Variants in GIMAP8 observed in about 807,000 individuals in gnomAD.
GIMAP8 encodes the protein GTPase, IMAP family member 8, also known as GTPase IMAP family member 8.
Under a neutral mutation model 35.6 loss-of-function variants are expected in GIMAP8, and 29 were observed. The ratio of observed to expected loss-of-function variants is 0.81; its 90% CI spans 0.61 to 1.11. The LOEUF is 1.11. Ranked by LOEUF, GIMAP8 falls within the 50% of genes most tolerant of loss-of-function variation. GIMAP8 has a pLI of 0.00. For synonymous variants in GIMAP8, 335 were observed against 308.7 expected, an observed-to-expected ratio of 1.09 and a Z score of -0.89; for missense variants, 811 against 805.0, an observed-to-expected ratio of 1.01 and a Z score of -0.09.
intron 1 of GIMAP8, among the ~76,000 whole-genome samples, chr7:150,455,749 A>G (rs974742989): frequency 1.1e-4 from 17 of 152,246 alleles, no homozygotes; most frequent in Admixed American, 4.6e-4. Context: ...CTGATTCTGC[A>G]GTTCTAATGA....
In GIMAP8 at chr7:150,470,869, C is replaced by T. The variant is rs781332128; in HGVS notation, c.677C>T (p.Pro226Leu). The T allele has an allele frequency of 2.5e-6, 4 of 1,603,022 alleles. No homozygotes were observed. The highest frequency in any genetic ancestry group is 1.7e-6 in the Non-Finnish European group (2 of 1,171,172). Residue 226 changes from proline (P) to leucine (L), a missense_variant, in exon 3 of 5, where the codon CCA becomes CTA. Physicochemically the swap from Pro to Leu is moderately conservative, Grantham distance 98 (BLOSUM62 -3). Transcript: ENST00000307271. ...NEAASQEGDKPQGPRERQLQS... is the reference protein window; with the variant it reads ...NEAASQEGDKLQGPRERQLQS... ...GCTGCATCTCAAGAGGGAGACAAGC[C>T]ACAGGGTAAGTTGATCTTTAAGAAA...
chr7:150,476,971 T>G, intron 4 of GIMAP8, 121 bp from the exon 5 acceptor site: 1 of 729,136 alleles, frequency 1.4e-6, no homozygotes, highest in Non-Finnish European at 2.3e-6. Flanking sequence ...GAGAAGGAGG[T>G]CTTGATGCTG....
chr7:150,472,022 G>GA lies in GIMAP8; in HGVS notation c.682+1151dup, dbSNP rs1461105706. The stretch of plus-strand genomic sequence containing the variant: ...TTTCACAGCTGAGTGCACTCAGCCA[G>GA]AAATACGTGTACTCAGGCAGAAGGG... On this transcript the variant is annotated intron_variant, in intron 3 of 4. Transcript: ENST00000307271. The surrounding 1 kb of genome is among the most constrained non-coding windows in gnomAD (Gnocchi z 4.1). Among the ~76,000 whole-genome samples, 1 of 152,172 alleles carries GA rather than the reference G, an allele frequency of 6.6e-6. No individual in the cohort carries two copies. Among genetic ancestry groups the GA allele is most frequent in the Non-Finnish European group, 1.5e-5 (1 of 68,032 alleles).
At chr7:150,467,403 A>G in intron 2 of GIMAP8, 69 bp downstream of exon 2, 12 of 1,185,502 alleles carry the variant, frequency 1.0e-5, no homozygotes, top group Non-Finnish European at 1.5e-5. Context: ...GTGGGTATAA[A>G]TAAATGAAAT....
At chr7:150,473,402 T>C (rs1802138682) in intron 3 of GIMAP8, among the ~76,000 whole-genome samples, 2 of 151,502 alleles carry the variant, frequency 1.3e-5, no homozygotes, top group Admixed American at 1.3e-4. Context: ...TTCCATCATC[T>C]TACAGATTCT....
At position 150,472,705 on chromosome 7, in the gene GIMAP8, T is replaced by C. The variant is rs1802119242; in HGVS notation, c.683-1307T>C. On this transcript the variant is annotated intron_variant, in intron 3 of 4. Coordinates refer to ENST00000307271, the MANE Select transcript of GIMAP8 (RefSeq NM_175571.4). This position sits in a 1 kb window ranked among gnomAD's most constrained non-coding sequence, Gnocchi z 4.1. ...ACACATGGCAGCTGATTTGTATAGT[T>C]TTGCGGTGAGCAATTTAGGTGAAGT... is the stretch of plus-strand genomic sequence containing the variant. 6.6e-6 allele frequency among the ~76,000 whole-genome samples: 1 copy of C among 152,242 alleles called. No individual in the cohort carries two copies. The highest frequency in any genetic ancestry group is 2.1e-4 in the South Asian group (1 of 4,832).
At position 150,451,730 on chromosome 7, in the gene GIMAP8, G is replaced by A. The variant is rs777032133; in HGVS notation, c.-29+555G>A. 3.3e-5 allele frequency among the ~76,000 whole-genome samples: 5 copies of A among 152,214 alleles called. No homozygotes were observed. Among genetic ancestry groups the A allele is most frequent in the African/African-American group, 4.8e-5 (2 of 41,452 alleles). ...GGGTGGGGGATGCTGATTTTTCCAC[G>A]TCTGCTTTTCTGATCTTTCCTGCCC... On this transcript the variant is annotated intron_variant, in intron 1 of 4. Transcript: ENST00000307271. This position sits in a 1 kb window ranked among gnomAD's most constrained non-coding sequence, Gnocchi z 4.1.
At chr7:150,471,299 C>T (rs1802084469) in intron 3 of GIMAP8, among the ~76,000 whole-genome samples, 1 of 152,158 alleles carries the variant, frequency 6.6e-6, no homozygotes, top group African/African-American at 2.4e-5. Flanking sequence ...AATGATAGAT[C>T]CTGCACATCT....
chr7:150,477,946 A>T lies in GIMAP8; in HGVS notation c.*166A>T. 1.7e-6 allele frequency: 1 copy of T among 600,502 alleles called. No homozygotes were observed. Among genetic ancestry groups the T allele is most frequent in the Non-Finnish European group, 2.9e-6 (1 of 339,800 alleles). The allele number at this position is 600,502 out of a possible 1,614,324, so 37.2% of individuals were successfully genotyped here. ...GTATCAGCTATTTGTAGATAAATAA[A>T]TTGCAGGTGGGGGCGAATAGTAGGG... On this transcript the variant is annotated 3_prime_UTR_variant, in exon 5 of 5. Transcript: ENST00000307271.
At chr7:150,469,923 A>G (rs61342202) in intron 2 of GIMAP8, among the ~76,000 whole-genome samples, 43,213 of 152,170 alleles carry the variant, frequency 0.28, 6,634 homozygotes, top group East Asian at 0.41. Flanking sequence ...AGAATGCATT[A>G]TTAAGCAGAT....
intron 1 of GIMAP8, among the ~76,000 whole-genome samples, chr7:150,465,204 A>G (rs1235849834): frequency 6.6e-6 from 1 of 152,174 alleles, no homozygotes; most frequent in Non-Finnish European, 1.5e-5. Flanking sequence ...TTCACCATGG[A>G]CCATGGAGGG....
At chr7:150,458,875 T>A (rs922995555) in intron 1 of GIMAP8, among the ~76,000 whole-genome samples, 1 of 152,202 alleles carries the variant, frequency 6.6e-6, no homozygotes, top group Non-Finnish European at 1.5e-5. Flanking sequence ...ACAGAGATAT[T>A]TTACACACAT....
chr7:150,452,089 C>T (rs1801620371), intron 1 of GIMAP8, among the ~76,000 whole-genome samples: 1 of 152,222 alleles, frequency 6.6e-6, no homozygotes, highest in Non-Finnish European at 1.5e-5. Flanking sequence ...GCTGCCTTTA[C>T]AGTCTTCAGT....
rs1802271483 is a variant in GIMAP8, at chr7:150,477,698, A to G, written c.1916A>G (p.Asn639Ser). The G allele has an allele frequency of 1.9e-6, 3 of 1,614,208 alleles. No individual in the cohort carries two copies. Among genetic ancestry groups the G allele is most frequent in the Non-Finnish European group, 2.5e-6 (3 of 1,180,034 alleles). The change falls in exon 5 of 5, where the codon AAC (asparagine) becomes AGC (serine). Residue 639 changes from asparagine (N) to serine (S), a missense_variant. By Grantham distance (46) the Asn-to-Ser change is conservative. Coordinates refer to ENST00000307271, the MANE Select transcript of GIMAP8 (RefSeq NM_175571.4). The stretch of plus-strand genomic sequence containing the variant: ...TCCGGGTATCCCCATACACAGGAGA[A>G]CGTCAGCAAACTAATTAAAAATGTC... ...GWSGYPHTQE[N>S]VSKLIKNVQE...
intron 1 of GIMAP8, among the ~76,000 whole-genome samples, chr7:150,463,926 C>A (rs187048913): frequency 2.8e-4 from 43 of 152,262 alleles, no homozygotes; most frequent in African/African-American, 1.0e-3. Flanking sequence ...GTAGCATTGG[C>A]AGTGCCAGTA....
chr7:150,474,718 C>CT (rs567749757), intron 4 of GIMAP8, 80 bp downstream of exon 4: 28 of 887,816 alleles, frequency 3.2e-5, no homozygotes, highest in Non-Finnish European at 3.8e-5. Flanking sequence ...TTTTTATTTT[C>CT]TTTTTTTTCT....
In GIMAP8 at chr7:150,477,381, G is replaced by C; in HGVS notation, c.1599G>C (p.Gln533His). The change falls in exon 5 of 5, where the codon CAG becomes CAC. Residue 533 changes from glutamine to histidine, a missense_variant. Coordinates refer to ENST00000307271, the MANE Select transcript of GIMAP8 (RefSeq NM_175571.4). Reference sequence around the variant, plus strand: ...ACACATTTTTTGTCCTGGTGTTCCAGCTGGGACGATTCACTGAAGAGGACA... The same window carrying C: ...ACACATTTTTTGTCCTGGTGTTCCACCTGGGACGATTCACTGAAGAGGACA... The part of the protein sequence containing the change: ...KGDTFFVLVF[Q>H]LGRFTEEDKT... 6.2e-7 allele frequency: 1 copy of C among 1,614,224 alleles called. No homozygotes were observed. The highest frequency in any genetic ancestry group is 1.3e-5 in the African/African-American group (1 of 75,056).
Position 150,467,250 on chromosome 7 carries a change from G to A in GIMAP8, c.552G>A (p.Glu184=). The change falls in exon 2 of 5, where the codon GAG becomes GAA. Residue 184 remains glutamate, a synonymous_variant. Transcript: ENST00000307271. Reference sequence around the variant, plus strand: ...ATGAGCAGATCACCCAGGTGTTGGAGCTCCTTCGCAAGGTTGAGTCTTTGG... The same window carrying A: ...ATGAGCAGATCACCCAGGTGTTGGAACTCCTTCGCAAGGTTGAGTCTTTGG... ...SKDEQITQVL[E]LLRKVESLVN... 1 of 1,614,244 alleles carries A rather than the reference G, an allele frequency of 6.2e-7. No homozygotes were observed. The highest frequency in any genetic ancestry group is 8.5e-7 in the Non-Finnish European group (1 of 1,180,024).
rs1802077589 is a variant in GIMAP8, at chr7:150,470,962, T to C, written c.682+88T>C. 5 of 1,015,672 alleles carry C rather than the reference T, an allele frequency of 4.9e-6. No individual in the cohort carries two copies. The Admixed American group carries it at 5.8e-5, about 12-fold the overall frequency. 62.9% of individuals were successfully genotyped at this position (1,015,672 alleles called of 1,614,324 possible). A position where few individuals can be genotyped will look rare whatever the true frequency, so the allele number is the denominator to read the frequency against. ...CAAAGTGAAGCGGAAACATTATCCA[T>C]ATAAACCAGAAAATTCACCCTGGGG... On this transcript the variant is annotated intron_variant, in intron 3 of 4. Coordinates refer to ENST00000307271, the MANE Select transcript of GIMAP8 (RefSeq NM_175571.4).
Sources: allele counts gnomAD v4.1 joint callset (sites outside exome capture counted in the v4.1 genomes callset), GRCh38; gene constraint gnomAD v4.1.1; non-coding constraint Gnocchi (gnomAD v3.1); transcripts MANE v1.5; gene names NCBI Gene and HGNC (gene_info 2026-07-23, HGNC 2026-07-21).